Variants in NDUFAF7 observed in about 807,000 individuals in gnomAD.
The protein encoded by NDUFAF7 is NADH:ubiquinone oxidoreductase complex assembly factor 7, also known as protein arginine methyltransferase NDUFAF7, mitochondrial.
A neutral mutation model predicts 47.2 loss-of-function variants in NDUFAF7; 48 were observed. That is an observed-to-expected ratio of 1.02 (90% CI 0.81 to 1.29). NDUFAF7 has a LOEUF of 1.29. Among genes scored for constraint, NDUFAF7 ranks in the 50% most tolerant of loss-of-function variants. NDUFAF7 has a pLI of 0.00. For synonymous variants in NDUFAF7, 217 were observed against 190.0 expected (o/e 1.14, Z -1.17); for missense variants, 635 against 537.6 (o/e 1.18, Z -1.79).
the NDUFAF7 span, among the ~76,000 whole-genome samples, chr2:37,264,718 G>A: frequency 2.0e-5 from 3 of 152,132 alleles, no homozygotes; most frequent in South Asian, 6.2e-4. Flanking sequence ...GATATAGCAA[G>A]AAAGTCAACA....
chr2:37,251,257 A>G (rs1667466070), downstream of NDUFAF7: 1 of 152,614 alleles, frequency 6.6e-6, no homozygotes, highest in Middle Eastern at 3.2e-3. Flanking sequence ...TAGAAGGACA[A>G]ATTACCAAGA....
chr2:37,257,112 C>G (rs1172696944), downstream of NDUFAF7, among the ~76,000 whole-genome samples: 1 of 152,026 alleles, frequency 6.6e-6, no homozygotes, highest in African/African-American at 2.4e-5. Flanking sequence ...CATTTATAGC[C>G]CTGTGATCCT....
chr2:37,256,707 C>T (rs775563833), downstream of NDUFAF7: 8 of 1,568,532 alleles, frequency 5.1e-6, no homozygotes, highest in Non-Finnish European at 6.9e-6. Context: ...TACATAAATG[C>T]AGCATTTTGG....
At chr2:37,265,105 G>A in the NDUFAF7 span, among the ~76,000 whole-genome samples, 1 of 152,092 alleles carries the variant, frequency 6.6e-6, no homozygotes, top group South Asian at 2.1e-4. Flanking sequence ...GGTATCAACA[G>A]CAGGATGAAC....
Position 37,248,444 on chromosome 2 carries a change from A to G in NDUFAF7, c.*94A>G. ...TACTGCAGGTAACAAAAGTCAAAGT[A>G]TTTTATCTTTTCACAGCAAGAACAG... is the stretch of plus-strand genomic sequence containing the variant. On this transcript the variant is annotated 3_prime_UTR_variant, in exon 10 of 10. Coordinates refer to ENST00000002125, the MANE Select transcript of NDUFAF7 (RefSeq NM_144736.5). The G allele has an allele frequency of 1.6e-6, 2 of 1,216,020 alleles. No homozygotes were observed. Among genetic ancestry groups the G allele is most frequent in the South Asian group, 1.2e-5 (1 of 82,188 alleles). The allele number at this position is 1,216,020 out of a possible 1,614,324, so 75.3% of individuals were successfully genotyped here.
the NDUFAF7 span, among the ~76,000 whole-genome samples, chr2:37,259,990 C>T: frequency 9.2e-5 from 14 of 152,006 alleles, no homozygotes; most frequent in Non-Finnish European, 1.6e-4. Flanking sequence ...CACGGTGAAA[C>T]CCCAGCTCTA....
intron 4 of NDUFAF7, 106 bp downstream of exon 4, chr2:37,237,973 T>A: frequency 1.3e-6 from 1 of 798,604 alleles, no homozygotes. Context: ...TAATTTCATA[T>A]TTCTCAGCTA....
rs564854303 is a variant in NDUFAF7, at chr2:37,249,024, A to C, written c.*674A>C. On this transcript the variant is annotated 3_prime_UTR_variant, in exon 10 of 10. Transcript: ENST00000002125. ...TATATGTTATTTTTTTAAATGAGCT[A>C]GGGCAATATGTTTTGACAGAAAACT... 2.6e-5 allele frequency: 4 copies of C among 152,512 alleles called. No homozygotes were observed. The South Asian group carries it at 8.3e-4, about 32-fold the overall frequency. The allele number at this position is 152,512 out of a possible 1,614,324, so 9.4% of individuals were successfully genotyped here.
chr2:37,255,005 T>C (rs941949795), downstream of NDUFAF7, among the ~76,000 whole-genome samples: 3 of 152,306 alleles, frequency 2.0e-5, no homozygotes, highest in Admixed American at 6.5e-5. Flanking sequence ...ATTTGAAATA[T>C]TGGTAACAAA....
chr2:37,257,666 CAAAAGAAAAAAAAAAAA>C (rs1668080556), downstream of NDUFAF7, among the ~76,000 whole-genome samples: 1 of 62,436 alleles, frequency 1.6e-5, no homozygotes, highest in African/African-American at 3.9e-5. Context: ...GACTCTGTCT[CAAAAGAAAAAAAAAAAA>C]AAAAAAAAAA....
At chr2:37,267,299 G>A in the NDUFAF7 span, 2 of 539,200 alleles carry the variant, frequency 3.7e-6, no homozygotes, top group Non-Finnish European at 6.3e-6. Context: ...GCAAGATATT[G>A]GCAGTCCCTA....
In NDUFAF7 at chr2:37,247,522, G is replaced by GT; in HGVS notation, c.1004dup (p.Asp336GlyfsTer31). The GT allele has an allele frequency of 6.2e-7, 1 of 1,614,108 alleles. No individual in the cohort carries two copies. Among genetic ancestry groups the GT allele is most frequent in the Non-Finnish European group, 8.5e-7 (1 of 1,179,998 alleles). On this transcript the variant is annotated frameshift_variant, in exon 9 of 10. Transcript: ENST00000002125. LOFTEE classifies it high-confidence loss of function. ...AGGAACAGCAGATCTAACAGCTGAT[G>GT]TGGACTTCAGTTATTTGCGAAGAAT...
the NDUFAF7 span, chr2:37,267,586 T>C: frequency 1.5e-6 from 2 of 1,324,994 alleles, no homozygotes; most frequent in Non-Finnish European, 2.2e-6. Context: ...GACAGCTTTA[T>C]TAGGGAGTTG....
At chr2:37,242,527 G>A in intron 5 of NDUFAF7, 108 bp from the exon 6 acceptor site, 1 of 786,536 alleles carries the variant, frequency 1.3e-6, no homozygotes, top group Non-Finnish European at 2.2e-6. Flanking sequence ...ATAATTCTGT[G>A]GTAGTGATGA....
At chr2:37,246,793 A>C (rs1307380646) in intron 8 of NDUFAF7, among the ~76,000 whole-genome samples, 1 of 152,176 alleles carries the variant, frequency 6.6e-6, no homozygotes, top group African/African-American at 2.4e-5. Context: ...TAGTTTGTTG[A>C]AAATACTCAT....
At chr2:37,266,186 A>C in the NDUFAF7 span, among the ~76,000 whole-genome samples, 1 of 152,178 alleles carries the variant, frequency 6.6e-6, no homozygotes, top group African/African-American at 2.4e-5. Flanking sequence ...AAGTGAGGTA[A>C]ATGTTACTAT....
At chr2:37,233,655 C>T in intron 2 of NDUFAF7, among the ~76,000 whole-genome samples, 1 of 150,210 alleles carries the variant, frequency 6.7e-6, no homozygotes, top group Non-Finnish European at 1.5e-5. Flanking sequence ...GCCTGGTGTT[C>T]AGAAGAAAGA....
chr2:37,243,810 A>C, intron 6 of NDUFAF7, 53 bp from the exon 7 acceptor site: 2 of 1,321,146 alleles, frequency 1.5e-6, no homozygotes, highest in Non-Finnish European at 2.2e-6. Context: ...GGTAGAAGCA[A>C]TGTAGAGAAC....
intron 6 of NDUFAF7, among the ~76,000 whole-genome samples, chr2:37,243,231 A>G (rs1383606720): frequency 6.6e-6 from 1 of 152,042 alleles, no homozygotes; most frequent in East Asian, 1.9e-4. Flanking sequence ...TGGGTGAATC[A>G]CTTGAGGTCA....
Sources: gnomAD v4.1 joint callset for allele counts (sites outside exome capture counted in the v4.1 genomes callset) on GRCh38, gnomAD v4.1.1 for gene constraint, MANE v1.5 for transcripts, NCBI Gene and HGNC (gene_info 2026-07-23, HGNC 2026-07-21) for gene names.